ANKRD30B: variants seen among roughly 807,000 people sequenced by gnomAD.
The protein encoded by ANKRD30B is ankyrin repeat domain-containing protein 30B.
ANKRD30B carries 144 observed loss-of-function variants against 202.2 expected under a neutral mutation model. The ratio of observed to expected loss-of-function variants is 0.71; its 90% CI spans 0.62 to 0.82. The LOEUF is 0.82. Ranked by LOEUF, ANKRD30B falls within the 40% of genes least tolerant of loss-of-function variation. The pLI is 0.00. For missense variants in ANKRD30B, 1,487 were observed against 1,669.1 expected (o/e 0.89, Z 1.90); for synonymous variants, 508 against 561.3 (o/e 0.91, Z 1.34).
At chr18:14,936,751 A>C in the ANKRD30B span, among the ~76,000 whole-genome samples, 4 of 152,182 alleles carry the variant, frequency 2.6e-5, no homozygotes, top group Non-Finnish European at 5.9e-5. Flanking sequence ...TAGGGGCTGG[A>C]GAAACAGTAG....
In ANKRD30B at chr18:14,748,460, G is replaced by T. The variant is rs1912831107; in HGVS notation, c.41G>T (p.Gly14Val). The T allele has an allele frequency of 1.3e-6, 2 of 1,538,144 alleles. No individual in the cohort carries two copies. The highest frequency in any genetic ancestry group is 1.8e-6 in the Non-Finnish European group (2 of 1,139,764). Residue 14 changes from glycine (G) to valine (V), a missense_variant, in exon 1 of 44, where the codon GGC becomes GTC. Physicochemically the swap from Gly to Val is moderately radical, Grantham distance 109. Transcript: ENST00000690538. ...GCTGCCGCTGGCAAGGGCGTGCGGG[G>T]CCCGGAGCCCCCGAACCCCTTCAGC... ...LLAAAGKGVR[G>V]PEPPNPFSER...
At chr18:14,875,260 T>C in the ANKRD30B span, among the ~76,000 whole-genome samples, 1 of 152,062 alleles carries the variant, frequency 6.6e-6, no homozygotes, top group Non-Finnish European at 1.5e-5. Context: ...CTTGCAGACT[T>C]TCGGGAATGA....
chr18:14,824,034 C>T (rs1185891287), intron 32 of ANKRD30B, among the ~76,000 whole-genome samples: 1 of 152,116 alleles, frequency 6.6e-6, no homozygotes, highest in Non-Finnish European at 1.5e-5. Context: ...TGGTTCTAGA[C>T]TATGTCTAGA....
At chr18:14,909,256 C>T in the ANKRD30B span, among the ~76,000 whole-genome samples, 1 of 152,170 alleles carries the variant, frequency 6.6e-6, no homozygotes, top group African/African-American at 2.4e-5. Context: ...TTTGAAGTTC[C>T]TGTGCTCCCC....
intron 32 of ANKRD30B, among the ~76,000 whole-genome samples, chr18:14,827,856 T>G (rs1467608645): frequency 6.6e-6 from 1 of 152,140 alleles, no homozygotes; most frequent in Non-Finnish European, 1.5e-5. Flanking sequence ...TGTGATAAAT[T>G]CCATTTTTCC....
the ANKRD30B span, among the ~76,000 whole-genome samples, chr18:14,917,194 G>A: frequency 6.6e-6 from 1 of 152,172 alleles, no homozygotes; most frequent in Admixed American, 6.5e-5. Context: ...TCCGTCTTCT[G>A]TGCAGCTATT....
chr18:14,805,657 A>G (rs1307474517), intron 24 of ANKRD30B, among the ~76,000 whole-genome samples: 1 of 150,964 alleles, frequency 6.6e-6, no homozygotes, highest in Non-Finnish European at 1.5e-5. Context: ...ATTAAAGAAC[A>G]TGATGAATAT....
chr18:14,882,500 A>G, the ANKRD30B span, among the ~76,000 whole-genome samples: 3 of 152,230 alleles, frequency 2.0e-5, no homozygotes, highest in Non-Finnish European at 1.5e-5. Context: ...TCTTCAATTT[A>G]CTGAGACTTG....
the ANKRD30B span, among the ~76,000 whole-genome samples, chr18:14,875,018 A>G: frequency 1.3e-5 from 2 of 152,204 alleles, no homozygotes; most frequent in Non-Finnish European, 2.9e-5. Flanking sequence ...CCAAATCAAC[A>G]GTGACTTGAA....
chr18:14,912,498 G>A, the ANKRD30B span, among the ~76,000 whole-genome samples: 4 of 152,102 alleles, frequency 2.6e-5, no homozygotes, highest in East Asian at 7.7e-4. Flanking sequence ...TCTTTTTGAT[G>A]TGCTCTTGGA....
chr18:14,748,811 GC>G (rs1227006511), intron 1 of ANKRD30B, among the ~76,000 whole-genome samples, 171 bp downstream of exon 1: 2 of 152,118 alleles, frequency 1.3e-5, no homozygotes, highest in Admixed American at 6.5e-5. Flanking sequence ...TCCCGGTCAG[GC>G]CCCCCAGGCC....
At chr18:14,841,667 T>C (rs1255525268) in intron 37 of ANKRD30B, among the ~76,000 whole-genome samples, 1 of 152,178 alleles carries the variant, frequency 6.6e-6, no homozygotes, top group African/African-American at 2.4e-5. Context: ...TTATTTTGGC[T>C]AAGGAAGAGG....
the ANKRD30B span, among the ~76,000 whole-genome samples, chr18:14,934,528 C>A: frequency 3.1e-4 from 47 of 152,172 alleles, no homozygotes; most frequent in Non-Finnish European, 6.5e-4. Context: ...TCAGGTTGCA[C>A]TGTTAAAAGA....
chr18:14,918,417 T>G, the ANKRD30B span, among the ~76,000 whole-genome samples: 1 of 152,174 alleles, frequency 6.6e-6, no homozygotes, highest in African/African-American at 2.4e-5. Context: ...AGGAGCGTAT[T>G]AATATCTTAT....
At chr18:14,760,999 G>A (rs1915170495) in intron 6 of ANKRD30B, among the ~76,000 whole-genome samples, 1 of 151,944 alleles carries the variant, frequency 6.6e-6, no homozygotes, top group South Asian at 2.1e-4. Flanking sequence ...ATAATCCTTG[G>A]TGTGATTGAT....
the ANKRD30B span, among the ~76,000 whole-genome samples, chr18:14,881,816 C>T: frequency 6.6e-6 from 1 of 151,546 alleles, no homozygotes; most frequent in Admixed American, 6.6e-5. Flanking sequence ...TCTAATTCTT[C>T]CTGATTTAAG....
chr18:14,923,694 T>A, the ANKRD30B span, among the ~76,000 whole-genome samples: 1 of 152,232 alleles, frequency 6.6e-6, no homozygotes, highest in Admixed American at 6.5e-5. Context: ...GGGCTGTGGG[T>A]AAGACCCAGT....
At chr18:14,834,828 G>C (rs1162515888) in intron 34 of ANKRD30B, among the ~76,000 whole-genome samples, 1 of 151,892 alleles carries the variant, frequency 6.6e-6, no homozygotes, top group Non-Finnish European at 1.5e-5. Flanking sequence ...TATAAACAAG[G>C]AATGAAAATT....
At position 14,760,584 on chromosome 18, in the gene ANKRD30B, A is replaced by T. The variant is rs933330437; in HGVS notation, c.786A>T (p.Arg262=). 1 of 1,531,296 alleles carries T rather than the reference A, an allele frequency of 6.5e-7. No individual in the cohort carries two copies. Among genetic ancestry groups the T allele is most frequent in the Admixed American group, 2.1e-5 (1 of 48,724 alleles). 94.9% of individuals were successfully genotyped at this position (1,531,296 alleles called of 1,614,324 possible). A position where few individuals can be genotyped will look rare whatever the true frequency, so the allele number is the denominator to read the frequency against. ...YIHQQLLEHI[R]KLPKNPQNTN... ...ATCAACAACTTTTGGAACATATACGAAAATTACCTAAAAATCCTCAAAATA... is the reference window on the plus strand; with the variant it reads ...ATCAACAACTTTTGGAACATATACGTAAATTACCTAAAAATCCTCAAAATA... The change falls in exon 6 of 44, where the codon CGA becomes CGT. Residue 262 remains arginine, a synonymous_variant. Coordinates refer to ENST00000690538, the MANE Select transcript of ANKRD30B (RefSeq NM_001367607.2).
Sources: gnomAD v4.1 joint callset for allele counts (sites outside exome capture counted in the v4.1 genomes callset) on GRCh38, gnomAD v4.1.1 for gene constraint, MANE v1.5 for transcripts, NCBI Gene and HGNC (gene_info 2026-07-23, HGNC 2026-07-21) for gene names.